Variants in SAE1 observed in about 807,000 individuals in gnomAD.
SAE1 encodes SUMO-activating enzyme subunit 1.
A neutral mutation model predicts 40.6 loss-of-function variants in SAE1; 11 were observed. That is an observed-to-expected ratio of 0.27 (90% CI 0.17 to 0.45). The LOEUF is 0.45. SAE1 is among the 20% of genes least tolerant of loss of function. The pLI, the probability that SAE1 is intolerant of heterozygous loss-of-function variation, is 1.00. For synonymous variants in SAE1, 155 were observed against 154.3 expected, an observed-to-expected ratio of 1.00 and a Z score of -0.03; for missense variants, 373 against 427.3, an observed-to-expected ratio of 0.87 and a Z score of 1.12.
At chr19:47,147,906 C>T (rs183381543) in intron 2 of SAE1, among the ~76,000 whole-genome samples, 40 of 151,782 alleles carry the variant, frequency 2.6e-4, no homozygotes, top group Admixed American at 2.4e-3. Flanking sequence ...CTACAGGCGC[C>T]CACCACCACG....
At chr19:47,178,077 C>A (rs1310303586) in intron 6 of SAE1, among the ~76,000 whole-genome samples, 3 of 152,010 alleles carry the variant, frequency 2.0e-5, no homozygotes, top group Non-Finnish European at 2.9e-5. Flanking sequence ...CCCATCTCTA[C>A]TAAAAATACA....
At chr19:47,183,798 AG>A (rs1282904662) in intron 6 of SAE1, among the ~76,000 whole-genome samples, 1 of 152,188 alleles carries the variant, frequency 6.6e-6, no homozygotes, top group African/African-American at 2.4e-5. Context: ...GGGTTGGCAG[AG>A]AGCAGCAGAT....
chr19:47,202,783 G>T (rs890181082), intron 7 of SAE1, among the ~76,000 whole-genome samples: 3 of 151,980 alleles, frequency 2.0e-5, no homozygotes, highest in South Asian at 2.1e-4. Context: ...GGTGGCGGGT[G>T]CCTGTAGTCT....
intron 6 of SAE1, among the ~76,000 whole-genome samples, chr19:47,191,441 G>T (rs559728583): frequency 1.3e-5 from 2 of 152,320 alleles, no homozygotes; most frequent in South Asian, 4.1e-4. Context: ...AGTCCTGTCA[G>T]TCACTCCTGA....
In SAE1 at chr19:47,185,957, G is replaced by A. The variant is rs371263245; in HGVS notation, c.734-11276G>A. Among the ~76,000 whole-genome samples the A allele has an allele frequency of 6.0e-5, 9 of 150,090 alleles. No individual in the cohort carries two copies. The South Asian group carries it at 1.1e-3, about 18-fold the overall frequency. On this transcript the variant is annotated intron_variant, in intron 6 of 8. Transcript: ENST00000270225. ...ATAACACTCAAAAAAATGCTTATTGGCCCCGGGCGTGGTGGCTCATGCCTG... is the reference window on the plus strand; with the variant it reads ...ATAACACTCAAAAAAATGCTTATTGACCCCGGGCGTGGTGGCTCATGCCTG...
At chr19:47,133,019 T>C (rs10425145) in intron 1 of SAE1, among the ~76,000 whole-genome samples, 2,934 of 152,240 alleles carry the variant, frequency 0.019, 96 homozygotes, top group African/African-American at 0.064. Flanking sequence ...CTCAGACTTA[T>C]ATGGGAAAGA....
At chr19:47,154,274 A>G (rs1335074731) in intron 4 of SAE1, among the ~76,000 whole-genome samples, 1 of 150,684 alleles carries the variant, frequency 6.6e-6, no homozygotes, top group South Asian at 2.1e-4. Flanking sequence ...TATTTTTAGC[A>G]GAGACGGGGT....
At position 47,167,625 on chromosome 19, in the gene SAE1, C is replaced by T. The variant is rs1170258638; in HGVS notation, c.628-2193C>T. Among the ~76,000 whole-genome samples the T allele has an allele frequency of 3.3e-5, 5 of 152,124 alleles. No individual in the cohort carries two copies. The East Asian group carries it at 9.6e-4, about 29-fold the overall frequency. On this transcript the variant is annotated intron_variant, in intron 5 of 8. Transcript: ENST00000270225. ...CTGGTAACTGATAGATCTTGGTTCA[C>T]TTAGCTTCCCAAATTATGCTGTTAT...
rs2058235288 is a variant in SAE1 at position 47,143,498 on chromosome 19, C to T, written c.103C>T (p.Arg35Trp). 5 of 1,612,434 alleles carry T rather than the reference C, an allele frequency of 3.1e-6. No individual in the cohort carries two copies. Among genetic ancestry groups the T allele is most frequent in the Non-Finnish European group, 3.4e-6 (4 of 1,178,692 alleles). The change falls in exon 2 of 9, where the codon CGG (arginine) becomes TGG (tryptophan). Residue 35 changes from arginine (R) to tryptophan (W), a missense_variant. By Grantham distance (101) the Arg-to-Trp change is moderately radical. Around this residue, in one of 3 missense-constraint regions of SAE1, gnomAD observed 351 missense variants for 390.6 expected, o/e 0.90. Coordinates refer to ENST00000270225, the MANE Select transcript of SAE1 (RefSeq NM_005500.3). ...LWGLEAQKRL[R>W]ASRVLLVGLK... Reference sequence around the variant, plus strand: ...TTAACAATGTTTGTCTTACAGGCTGCGGGCCTCTCGGGTGCTTCTTGTCGG... The same window carrying T: ...TTAACAATGTTTGTCTTACAGGCTGTGGGCCTCTCGGGTGCTTCTTGTCGG...
rs769656956 is a variant in SAE1, at chr19:47,165,076, CTTTTTTTTT to C, written c.628-4725_628-4717del. On this transcript the variant is annotated intron_variant, in intron 5 of 8. Transcript: ENST00000270225. ...CTGGGATTACAGGCATGAGCCAAGT[CTTTTTTTTT>C]TTTTTTTTTTTTTTTTGAGACGGAG... is the stretch of plus-strand genomic sequence containing the variant. 1.5e-4 allele frequency among the ~76,000 whole-genome samples: 9 copies of C among 59,100 alleles called. No homozygotes were observed. In the East Asian group the frequency reaches 4.8e-3, roughly 31 times the overall value. 38.8% of individuals were successfully genotyped at this position (59,100 alleles called of 152,430 possible).
rs185204473 is a variant in SAE1, at chr19:47,145,972, G to A, written c.210+2367G>A. Among the ~76,000 whole-genome samples, 6 of 147,836 alleles carry A rather than the reference G, an allele frequency of 4.1e-5. No homozygotes were observed. The East Asian group carries it at 1.2e-3, about 29-fold the overall frequency. On this transcript the variant is annotated intron_variant, in intron 2 of 8. Coordinates refer to ENST00000270225, the MANE Select transcript of SAE1 (RefSeq NM_005500.3). ...TTTTTTTTTCCGGAAACCATAGCAG[G>A]CTCCCTGACTGAGGTTGTGGTACAT...
intron 7 of SAE1, 122 bp downstream of exon 7, chr19:47,197,499 C>T (rs2058623811): frequency 5.3e-6 from 4 of 752,248 alleles, no homozygotes; most frequent in Admixed American, 2.7e-5. Context: ...ACATTCTGCT[C>T]GCTCCTGTAG....
intron 6 of SAE1, among the ~76,000 whole-genome samples, chr19:47,190,479 C>T (rs565253048): frequency 6.6e-6 from 1 of 152,300 alleles, no homozygotes; most frequent in African/African-American, 2.4e-5. Context: ...TCCTGCCCCC[C>T]TCCACTGCTG....
intron 5 of SAE1, among the ~76,000 whole-genome samples, chr19:47,160,746 G>T (rs2058354870): frequency 6.6e-6 from 1 of 151,732 alleles, no homozygotes; most frequent in Non-Finnish European, 1.5e-5. Context: ...GACCAGGATG[G>T]TCTCAATCTC....
chr19:47,209,265 C>T lies in SAE1; in HGVS notation c.*14C>T. On this transcript the variant is annotated 3_prime_UTR_variant, in exon 9 of 9. Coordinates refer to ENST00000270225, the MANE Select transcript of SAE1 (RefSeq NM_005500.3). ...GGCCCCAAGTGAACTCAAGATTTGG[C>T]AGCCCCAGAGATGCCAACTGCAGCA... 2.5e-6 allele frequency: 4 copies of T among 1,614,142 alleles called. No individual in the cohort carries two copies. The highest frequency in any genetic ancestry group is 3.4e-6 in the Non-Finnish European group (4 of 1,180,000).
chr19:47,203,259 C>T (rs958021108), intron 7 of SAE1, among the ~76,000 whole-genome samples: 3 of 152,156 alleles, frequency 2.0e-5, no homozygotes, highest in African/African-American at 7.2e-5. Flanking sequence ...TACATGTTAA[C>T]ACAGGCCTGC....
At chr19:47,150,146 A>G in intron 2 of SAE1, 56 bp from the exon 3 acceptor site, 2 of 1,232,186 alleles carry the variant, frequency 1.6e-6, no homozygotes, top group East Asian at 2.7e-5. Flanking sequence ...GATTCTTTTT[A>G]AGATTTATTT....
rs1482393502 is a variant in SAE1, at chr19:47,210,189, G to C, written c.*938G>C. The C allele has an allele frequency of 6.6e-6, 1 of 152,144 alleles. No individual in the cohort carries two copies. Among genetic ancestry groups the C allele is most frequent in the African/African-American group, 2.4e-5 (1 of 41,414 alleles). 9.4% of individuals were successfully genotyped at this position (152,144 alleles called of 1,614,324 possible). A position where few individuals can be genotyped will look rare whatever the true frequency, so the allele number is the denominator to read the frequency against. ...AATGATAATAAAGTTACTTGCTTTA[G>C]GATTTGCTTGTTTTTCTTCCACTTC... On this transcript the variant is annotated 3_prime_UTR_variant, in exon 9 of 9. Transcript: ENST00000270225.
chr19:47,196,333 C>CTTTTTTTTTTTTTT (rs61498882), intron 6 of SAE1, among the ~76,000 whole-genome samples: 2 of 27,882 alleles, frequency 7.2e-5, no homozygotes, highest in Admixed American at 7.1e-4. Flanking sequence ...CCGCGCCTGG[C>CTTTTTTTTTTTTTT]TTTTTTTTTT....
Sources: allele counts gnomAD v4.1 joint callset (sites outside exome capture counted in the v4.1 genomes callset), GRCh38; gene constraint gnomAD v4.1.1; regional missense constraint gnomAD v4.1.1; transcripts MANE v1.5; gene names NCBI Gene and HGNC (gene_info 2026-07-23, HGNC 2026-07-21).